Variants in PARP8 observed in about 807,000 individuals in gnomAD.
PARP8 encodes the protein protein mono-ADP-ribosyltransferase PARP8.
A neutral mutation model predicts 124.1 loss-of-function variants in PARP8; 51 were observed. The observed-to-expected ratio is 0.41, with a 90% CI of 0.33 to 0.52. The LOEUF (loss-of-function observed/expected upper bound fraction) is 0.52, where lower values mean the gene tolerates loss of function less well. PARP8 is among the 20% of genes least tolerant of loss of function. PARP8 has a pLI of 0.21. For synonymous variants in PARP8, 391 were observed against 361.5 expected (o/e 1.08, Z -0.93); for missense variants, 860 against 1,018.9 (o/e 0.84, Z 2.12).
intron 21 of PARP8, among the ~76,000 whole-genome samples, chr5:50,829,230 C>T (rs1464140926): frequency 6.6e-6 from 1 of 152,136 alleles, no homozygotes; most frequent in South Asian, 2.1e-4. Flanking sequence ...CTTCACTCTC[C>T]TGCAGCTGAA....
chr5:50,749,765 G>A (rs975764854), intron 2 of PARP8, among the ~76,000 whole-genome samples: 1 of 152,006 alleles, frequency 6.6e-6, no homozygotes, highest in East Asian at 1.9e-4. Flanking sequence ...CTTGGGTGCT[G>A]TACTAAATAA....
chr5:50,751,819 G>T (rs962437685), intron 3 of PARP8, among the ~76,000 whole-genome samples: 1 of 152,024 alleles, frequency 6.6e-6, no homozygotes, highest in East Asian at 1.9e-4. Flanking sequence ...TATTTTTATG[G>T]AGCTTTCTTC....
At chr5:50,704,539 G>T (rs113932109) in intron 2 of PARP8, among the ~76,000 whole-genome samples, 96 of 152,136 alleles carry the variant, frequency 6.3e-4, no homozygotes, top group African/African-American at 2.3e-3. Flanking sequence ...CCCCCAAATG[G>T]TAGCCACTAG....
At chr5:50,820,262 A>G (rs1745607845) in intron 15 of PARP8, among the ~76,000 whole-genome samples, 1 of 152,144 alleles carries the variant, frequency 6.6e-6, no homozygotes, top group African/African-American at 2.4e-5. Context: ...CTTACTGTGC[A>G]TTTTTTAAAT....
intron 4 of PARP8, 72 bp from the exon 5 acceptor site, chr5:50,760,220 C>T: frequency 1.6e-6 from 2 of 1,276,402 alleles, no homozygotes; most frequent in Admixed American, 3.2e-5. Context: ...AGTTTTATAC[C>T]AAAACTTATG....
chr5:50,673,415 G>T (rs988093960), intron 2 of PARP8, among the ~76,000 whole-genome samples: 4 of 151,744 alleles, frequency 2.6e-5, no homozygotes, highest in African/African-American at 9.7e-5. Flanking sequence ...ATCCTATAGT[G>T]ATATTTATTA....
At chr5:50,675,506 C>G (rs868203394) in intron 2 of PARP8, among the ~76,000 whole-genome samples, 1 of 152,252 alleles carries the variant, frequency 6.6e-6, no homozygotes, top group Middle Eastern at 3.4e-3. Context: ...GGGAATTCAC[C>G]ATATTGGCCA....
In PARP8 at chr5:50,711,726, C is replaced by T. The variant is rs114348462; in HGVS notation, c.147-38425C>T. Among the ~76,000 whole-genome samples, 1,281 of 152,218 alleles carry T rather than the reference C, an allele frequency of 8.4e-3. 15 individuals carry two copies. The highest frequency in any genetic ancestry group is 0.013 in the Non-Finnish European group (882 of 67,982). ...GCCCATAATCCAACATACATTTCTG[C>T]ACTTATATGAGAAAATCAAGGTCCT... On this transcript the variant is annotated intron_variant, in intron 2 of 25. Transcript: ENST00000281631.
At chr5:50,802,086 T>C (rs1361583742) in intron 14 of PARP8, among the ~76,000 whole-genome samples, 26 of 152,242 alleles carry the variant, frequency 1.7e-4, no homozygotes, top group Non-Finnish European at 1.5e-5. Context: ...ACATAATTAC[T>C]AATAAGGAAA....
chr5:50,699,226 T>C lies in PARP8; in HGVS notation c.146+31101T>C, dbSNP rs116229854. Among the ~76,000 whole-genome samples, 1,054 of 152,288 alleles carry C rather than the reference T, an allele frequency of 6.9e-3. 11 individuals carry two copies. The highest frequency in any genetic ancestry group is 0.025 in the African/African-American group (1,024 of 41,556). ...TTTGAGTAAGTGTGTGTTAAATGAC[T>C]GCCCAAGTGAATGGAAAATTGAGAA... On this transcript the variant is annotated intron_variant, in intron 2 of 25. Transcript: ENST00000281631.
At chr5:50,789,299 G>GA (rs1377108229) in intron 10 of PARP8, among the ~76,000 whole-genome samples, 7 of 151,704 alleles carry the variant, frequency 4.6e-5, no homozygotes, top group Admixed American at 2.0e-4. Context: ...GCACTAGAAA[G>GA]AAAAAAAATG....
chr5:50,806,489 C>G (rs1295996555), intron 14 of PARP8, among the ~76,000 whole-genome samples: 1 of 151,890 alleles, frequency 6.6e-6, no homozygotes, highest in East Asian at 1.9e-4. Flanking sequence ...ATAAATATTG[C>G]TATATTTTTC....
chr5:50,719,292 T>G (rs1352867414), intron 2 of PARP8, among the ~76,000 whole-genome samples: 7 of 152,074 alleles, frequency 4.6e-5, no homozygotes, highest in Admixed American at 4.6e-4. Context: ...TTCACTTTGT[T>G]GATTGTTTGC....
intron 14 of PARP8, among the ~76,000 whole-genome samples, chr5:50,807,902 A>G (rs180985355): frequency 6.6e-6 from 1 of 152,164 alleles, no homozygotes; most frequent in Admixed American, 6.6e-5. Flanking sequence ...ACAAGGCATG[A>G]GATTCCAGTC....
At chr5:50,796,316 C>A (rs981969952) in intron 12 of PARP8, among the ~76,000 whole-genome samples, 2 of 152,006 alleles carry the variant, frequency 1.3e-5, no homozygotes, top group Admixed American at 1.3e-4. Context: ...AGGTTTATTT[C>A]TAAAATTAAA....
At chr5:50,749,932 A>G (rs570003396) in intron 2 of PARP8, among the ~76,000 whole-genome samples, 9 of 152,298 alleles carry the variant, frequency 5.9e-5, no homozygotes, top group Admixed American at 5.2e-4. Context: ...CAAAACTGTT[A>G]GACTAAGACC....
intron 2 of PARP8, among the ~76,000 whole-genome samples, chr5:50,681,059 C>T (rs1751236774): frequency 6.6e-6 from 1 of 151,972 alleles, no homozygotes; most frequent in Non-Finnish European, 1.5e-5. Flanking sequence ...GATATTTTCC[C>T]TAGTAATACA....
chr5:50,690,202 C>T (rs899953286), intron 2 of PARP8, among the ~76,000 whole-genome samples: 18 of 152,140 alleles, frequency 1.2e-4, no homozygotes, highest in Non-Finnish European at 2.9e-5. Context: ...TACCTCTTTT[C>T]CTTACAACTA....
rs1751608511 is a variant in PARP8, at chr5:50,684,236, G to A, written c.146+16111G>A. On this transcript the variant is annotated intron_variant, in intron 2 of 25. Coordinates refer to ENST00000281631, the MANE Select transcript of PARP8 (RefSeq NM_024615.4). ...AAATAAAGACTCGACTTCTAAATTA[G>A]CATAGAAAAGAGGAGAATTTCTCTT... Among the ~76,000 whole-genome samples, 7 of 152,130 alleles carry A rather than the reference G, an allele frequency of 4.6e-5. No individual in the cohort carries two copies. In the South Asian group the frequency reaches 1.5e-3, roughly 32 times the overall value.
Sources: gnomAD v4.1 joint callset for allele counts (sites outside exome capture counted in the v4.1 genomes callset) on GRCh38, gnomAD v4.1.1 for gene constraint, MANE v1.5 for transcripts, NCBI Gene and HGNC (gene_info 2026-07-23, HGNC 2026-07-21) for gene names.